INKA2: variants seen among roughly 807,000 people sequenced by gnomAD.
INKA2 encodes PAK4-inhibitor INKA2.
In INKA2, 3 loss-of-function variants were observed where a neutral mutation model predicts 9.8. The observed-to-expected ratio is 0.31, with a 90% confidence interval of 0.14 to 0.79. INKA2 has a LOEUF of 0.79. Among genes scored for constraint, INKA2 ranks in the 30% least tolerant of loss-of-function variants. The probability of loss-of-function intolerance (pLI) is 0.62; values close to 1 mark genes in which losing one functional copy is unlikely to be tolerated. For missense variants in INKA2, 392 were observed against 384.4 expected (o/e 1.02, Z -0.17); for synonymous variants, 147 against 143.3 (o/e 1.03, Z -0.18).
chr1:111,748,066 G>A (rs116369444), intron 1 of INKA2, among the ~76,000 whole-genome samples: 1,639 of 152,318 alleles, frequency 0.011, 28 homozygotes, highest in African/African-American at 0.038. Flanking sequence ...GCTTGGGCAC[G>A]TGGGAGAGTA....
Position 111,739,382 on chromosome 1 carries a change from C to T in INKA2, c.-140G>A. The T allele has an allele frequency of 6.6e-7, 1 of 1,504,420 alleles. No individual in the cohort carries two copies. Among genetic ancestry groups the T allele is most frequent in the Non-Finnish European group, 8.9e-7 (1 of 1,126,522 alleles). The allele number at this position is 1,504,420 out of a possible 1,614,324, so 93.2% of individuals were successfully genotyped here. A position where few individuals can be genotyped will look rare whatever the true frequency, so the allele number is the denominator to read the frequency against. On this transcript the variant is annotated 5_prime_UTR_variant, in exon 1 of 2. Coordinates refer to ENST00000357260, the MANE Select transcript of INKA2 (RefSeq NM_019099.5). ...CGGAGCTGAGCCTGCGCTCCGAGCC[C>T]GGGACTCAGAGTCGCTTCCCCAGCG...
Position 111,723,064 on chromosome 1 carries a change from A to G in INKA2, c.*3904T>C, listed in dbSNP as rs1423318898. 1 of 702,026 alleles carries G rather than the reference A, an allele frequency of 1.4e-6. No homozygotes were observed. The highest frequency in any genetic ancestry group is 1.5e-5 in the South Asian group (1 of 67,580). The allele number at this position is 702,026 out of a possible 1,614,324, so 43.5% of individuals were successfully genotyped here. On this transcript the variant is annotated 3_prime_UTR_variant, in exon 2 of 2. Transcript: ENST00000357260. ...GAGGGGGCTCTCAAATCTTAACTCCAAGTCTAGTGCTCATACCATGGTGCT... is the reference window on the plus strand; with the variant it reads ...GAGGGGGCTCTCAAATCTTAACTCCGAGTCTAGTGCTCATACCATGGTGCT...
upstream of INKA2, chr1:111,739,484 A>T (rs1296132949): frequency 7.4e-7 from 1 of 1,350,090 alleles, no homozygotes; most frequent in Non-Finnish European, 9.7e-7. Flanking sequence ...GGCTGTCTTC[A>T]GCCAATGGGC....
chr1:111,750,384 A>G (rs1182451181), intron 1 of INKA2, among the ~76,000 whole-genome samples: 3 of 152,248 alleles, frequency 2.0e-5, no homozygotes, highest in Non-Finnish European at 4.4e-5. Context: ...AGGATTGAGC[A>G]GGGTCATGAA....
chr1:111,741,825 C>T (rs1663157307), upstream of INKA2, among the ~76,000 whole-genome samples: 1 of 152,202 alleles, frequency 6.6e-6, no homozygotes, highest in Non-Finnish European at 1.5e-5. Flanking sequence ...AAGCGATTTT[C>T]GTGCCTCAGC....
At chr1:111,744,749 T>C (rs999375803) in intron 1 of INKA2, among the ~76,000 whole-genome samples, 1 of 152,040 alleles carries the variant, frequency 6.6e-6, no homozygotes, top group East Asian at 1.9e-4. Context: ...GCCCAGCTAA[T>C]TTTTGTATTT....
chr1:111,732,399 G>C (rs866663094), intron 1 of INKA2, among the ~76,000 whole-genome samples: 1 of 152,074 alleles, frequency 6.6e-6, no homozygotes, highest in Non-Finnish European at 1.5e-5. Flanking sequence ...AGGCTGCAGG[G>C]TGCGGAGTTC....
At chr1:111,742,272 A>T (rs937034379), upstream of INKA2, among the ~76,000 whole-genome samples, 2 of 152,084 alleles carry the variant, frequency 1.3e-5, no homozygotes, top group Admixed American at 1.3e-4. Context: ...TTGTGAGTCT[A>T]ATACTTTATA....
At chr1:111,750,883 C>CAT (rs1391911591) in intron 1 of INKA2, among the ~76,000 whole-genome samples, 1 of 152,232 alleles carries the variant, frequency 6.6e-6, no homozygotes, top group African/African-American at 2.4e-5. Flanking sequence ...TCTGCATCCT[C>CAT]ATGTCCAGGT....
intron 1 of INKA2, 103 bp downstream of exon 1, chr1:111,739,083 C>G (rs1367526528): frequency 8.6e-7 from 1 of 1,160,524 alleles, no homozygotes; most frequent in Non-Finnish European, 1.3e-6. Context: ...CCTGGCCCTC[C>G]TCCGCCCTGC....
At position 111,739,307 on chromosome 1, in the gene INKA2, A is replaced by C; in HGVS notation, c.-65T>G. 6.2e-7 allele frequency: 1 copy of C among 1,603,566 alleles called. No homozygotes were observed. Among genetic ancestry groups the C allele is most frequent in the Non-Finnish European group, 8.5e-7 (1 of 1,175,088 alleles). The stretch of plus-strand genomic sequence containing the variant: ...GGGTGAAACCCCGGCCCCACTGGAA[A>C]CTGCGCTCCGGGCCGGCTCCCCGCC... On this transcript the variant is annotated 5_prime_UTR_variant, in exon 1 of 2. Coordinates refer to ENST00000357260, the MANE Select transcript of INKA2 (RefSeq NM_019099.5).
chr1:111,726,964 G>C lies in INKA2; in HGVS notation c.*4C>G. 5 of 1,610,812 alleles carry C rather than the reference G, an allele frequency of 3.1e-6. No homozygotes were observed. The highest frequency in any genetic ancestry group is 4.2e-6 in the Non-Finnish European group (5 of 1,178,078). ...AGGCTCAGTCAACTTTCTGTCTCTA[G>C]GATTCAGACCCAAACAGCTGTGTTA... On this transcript the variant is annotated 3_prime_UTR_variant, in exon 2 of 2. Coordinates refer to ENST00000357260, the MANE Select transcript of INKA2 (RefSeq NM_019099.5).
At chr1:111,731,239 A>G (rs1662898281) in intron 1 of INKA2, among the ~76,000 whole-genome samples, 1 of 152,224 alleles carries the variant, frequency 6.6e-6, no homozygotes, top group African/African-American at 2.4e-5. Flanking sequence ...AATATTCTGC[A>G]TTGGTTAATA....
intron 1 of INKA2, among the ~76,000 whole-genome samples, chr1:111,750,144 ATG>A (rs1663373771): frequency 6.6e-6 from 1 of 152,214 alleles, no homozygotes; most frequent in African/African-American, 2.4e-5. Flanking sequence ...CAATTAATCA[ATG>A]TGGGCCTTGT....
intron 1 of INKA2, among the ~76,000 whole-genome samples, chr1:111,729,896 T>C (rs1662868277): frequency 2.0e-5 from 3 of 152,222 alleles, no homozygotes; most frequent in African/African-American, 7.2e-5. Context: ...TAAAGGACAG[T>C]GGAGGACTGA....
chr1:111,739,194 G>A lies in INKA2; in HGVS notation c.49C>T (p.Gln17Ter). The A allele has an allele frequency of 6.2e-7, 1 of 1,613,678 alleles. No individual in the cohort carries two copies. Among genetic ancestry groups the A allele is most frequent in the Non-Finnish European group, 8.5e-7 (1 of 1,179,736 alleles). Residue 17 changes from glutamine to a stop codon, truncating the protein, a stop_gained, in exon 1 of 2, where the codon CAG (glutamine) becomes TAG (stop). Transcript: ENST00000357260. LOFTEE classifies it low-confidence loss of function (END_TRUNC). ...GCCAGCTTCGCTCTTACCAGCTCCT[G>A]TTTGAGGCGACGGAGATAGCAGTCC... Reference protein sequence around the residue: ...EMDCYLRRLKQELMSMKEVGD... With the variant: ...EMDCYLRRLK
chr1:111,726,773 A>G lies in INKA2; in HGVS notation c.*195T>C. ...GCTACTCTTACCTCCTCCACCAGCT[A>G]GCCCCCAAGACAGCCTCTCCCAACC... is the stretch of plus-strand genomic sequence containing the variant. On this transcript the variant is annotated 3_prime_UTR_variant, in exon 2 of 2. Coordinates refer to ENST00000357260, the MANE Select transcript of INKA2 (RefSeq NM_019099.5). 1 of 628,268 alleles carries G rather than the reference A, an allele frequency of 1.6e-6. No homozygotes were observed. 38.9% of individuals were successfully genotyped at this position (628,268 alleles called of 1,614,324 possible).
intron 1 of INKA2, among the ~76,000 whole-genome samples, chr1:111,749,727 C>T (rs764066059): frequency 2.0e-5 from 3 of 152,128 alleles, no homozygotes; most frequent in Non-Finnish European, 4.4e-5. Flanking sequence ...TGTACCCCTC[C>T]CTGAGCCCCA....
Position 111,725,755 on chromosome 1 carries a change from G to T in INKA2, c.*1213C>A. 4.8e-6 allele frequency: 1 copy of T among 207,390 alleles called. No homozygotes were observed. Among genetic ancestry groups the T allele is most frequent in the Non-Finnish European group, 9.6e-6 (1 of 104,668 alleles). 12.8% of individuals were successfully genotyped at this position (207,390 alleles called of 1,614,324 possible). On this transcript the variant is annotated 3_prime_UTR_variant, in exon 2 of 2. Transcript: ENST00000357260. Reference sequence around the variant, plus strand: ...TTTTTTTTTATTTTTTTTGAGACAGGGGAGTCTTGCTCTGTCAGCCAGGCT... The same window carrying T: ...TTTTTTTTTATTTTTTTTGAGACAGTGGAGTCTTGCTCTGTCAGCCAGGCT...
Sources: gnomAD v4.1 joint callset for allele counts (sites outside exome capture counted in the v4.1 genomes callset) on GRCh38, gnomAD v4.1.1 for gene constraint, MANE v1.5 for transcripts, NCBI Gene and HGNC (gene_info 2026-07-23, HGNC 2026-07-21) for gene names.